Variants in SLC6A15 observed in about 807,000 individuals in gnomAD.
The protein encoded by SLC6A15 is solute carrier family 6 member 15.
A neutral mutation model predicts 68.5 loss-of-function variants in SLC6A15; 33 were observed. The ratio of observed to expected loss-of-function variants is 0.48; its 90% confidence interval spans 0.37 to 0.64. The LOEUF (loss-of-function observed/expected upper bound fraction) is 0.64. Ranked by LOEUF, SLC6A15 falls within the 30% of genes least tolerant of loss-of-function variation. SLC6A15 has a pLI of 0.00. For synonymous variants in SLC6A15, 347 were observed against 301.0 expected (o/e 1.15, Z -1.58); for missense variants, 747 against 874.3 (o/e 0.85, Z 1.84).
At chr12:84,882,886 T>C (rs1871887540) in intron 5 of SLC6A15, 1 of 602,376 alleles carries the variant, frequency 1.7e-6, no homozygotes, top group African/African-American at 2.0e-5. Context: ...CTTACCCTAA[T>C]TCTTGTCAGA....
At chr12:84,872,061 C>T (rs945765052) in intron 8 of SLC6A15, among the ~76,000 whole-genome samples, 2 of 151,590 alleles carry the variant, frequency 1.3e-5, no homozygotes, top group Non-Finnish European at 2.9e-5. Flanking sequence ...GGGAGGCTGA[C>T]CAGGAGAATT....
chr12:84,866,932 C>G lies in SLC6A15; in HGVS notation c.1655+102G>C, dbSNP rs918981392. 8 of 1,025,858 alleles carry G rather than the reference C, an allele frequency of 7.8e-6. No individual in the cohort carries two copies. The African/African-American group carries it at 1.2e-4, about 15-fold the overall frequency. The allele number at this position is 1,025,858 out of a possible 1,614,324, so 63.5% of individuals were successfully genotyped here. A position where few individuals can be genotyped will look rare whatever the true frequency, so the allele number is the denominator to read the frequency against. On this transcript the variant is annotated intron_variant, in intron 10 of 11. Transcript: ENST00000266682. ...AGGTTTGATTTTTTAAAGAATTGTT[C>G]CCTCTATTCATTTATTTCCTCTTCT...
At chr12:84,901,061 C>T (rs564197334) in intron 1 of SLC6A15, among the ~76,000 whole-genome samples, 8 of 146,142 alleles carry the variant, frequency 5.5e-5, no homozygotes, top group Non-Finnish European at 7.6e-5. Context: ...TATATGTATA[C>T]GTATATGTGT....
intron 8 of SLC6A15, 96 bp from the exon 9 acceptor site, chr12:84,870,766 A>G (rs981344046): frequency 4.3e-6 from 3 of 701,964 alleles, no homozygotes; most frequent in Non-Finnish European, 6.8e-6. Context: ...TCTCTGAATA[A>G]TGGCCAGGAC....
At chr12:84,876,248 G>T (rs1871534548) in intron 6 of SLC6A15, among the ~76,000 whole-genome samples, 1 of 151,946 alleles carries the variant, frequency 6.6e-6, no homozygotes, top group African/African-American at 2.4e-5. Flanking sequence ...TATTATAAAA[G>T]AGAGATTTTT....
chr12:84,870,732 G>A (rs1871252365), intron 8 of SLC6A15, 62 bp from the exon 9 acceptor site: 5 of 1,027,330 alleles, frequency 4.9e-6, no homozygotes, highest in Admixed American at 4.8e-5. Context: ...GGCTCTATAT[G>A]TCAGTTACAA....
At chr12:84,890,685 T>C (rs1228483262) in intron 2 of SLC6A15, among the ~76,000 whole-genome samples, 1 of 152,188 alleles carries the variant, frequency 6.6e-6, no homozygotes, top group Non-Finnish European at 1.5e-5. Context: ...ATCTTAAACA[T>C]ATTTTGTCAC....
chr12:84,910,927 C>CTCTCTCTCTCTCTCTCTCT (rs1565736492), intron 1 of SLC6A15, among the ~76,000 whole-genome samples: 12 of 128,990 alleles, frequency 9.3e-5, no homozygotes, highest in African/African-American at 3.9e-4. Context: ...CGCCCTCTTT[C>CTCTCTCTCTCTCTCTCTCT]CGTGTGTGTG....
At chr12:84,893,095 T>C (rs191048023) in intron 1 of SLC6A15, among the ~76,000 whole-genome samples, 110 of 152,282 alleles carry the variant, frequency 7.2e-4, no homozygotes, top group African/African-American at 2.6e-3. Flanking sequence ...ACCCAACCCA[T>C]TTGATATTTA....
At chr12:84,911,147 C>T (rs111735423) in intron 1 of SLC6A15, among the ~76,000 whole-genome samples, 1 of 152,060 alleles carries the variant, frequency 6.6e-6, no homozygotes, top group Non-Finnish European at 1.5e-5. Context: ...TGTGTCTGCA[C>T]ATAATAATTC....
At chr12:84,878,681 A>C (rs1206884750) in intron 5 of SLC6A15, among the ~76,000 whole-genome samples, 3 of 152,038 alleles carry the variant, frequency 2.0e-5, no homozygotes, top group Non-Finnish European at 2.9e-5. Context: ...TTTTTAATAT[A>C]ATTTCTAATT....
chr12:84,896,279 A>T (rs1264496630), intron 1 of SLC6A15, among the ~76,000 whole-genome samples: 2 of 152,018 alleles, frequency 1.3e-5, no homozygotes, highest in African/African-American at 4.8e-5. Context: ...ACAACCCACC[A>T]TCTGTATTTT....
At chr12:84,901,593 T>C (rs540019518) in intron 1 of SLC6A15, among the ~76,000 whole-genome samples, 9 of 151,998 alleles carry the variant, frequency 5.9e-5, no homozygotes, top group Admixed American at 3.3e-4. Flanking sequence ...TTCCAAGCCA[T>C]TGTTACAATC....
rs1870791625 is a variant in SLC6A15, at chr12:84,860,296, TC to T, written c.*1335del. The T allele has an allele frequency of 6.6e-6, 1 of 152,096 alleles. No individual in the cohort carries two copies. The allele number at this position is 152,096 out of a possible 1,614,324, so 9.4% of individuals were successfully genotyped here. ...TGAAAGATTTTTAACTAGAGGACAC[TC>T]AGTGAGGTTCCTCTGCTCTATCCAA... On this transcript the variant is annotated 3_prime_UTR_variant, in exon 12 of 12. Coordinates refer to ENST00000266682, the MANE Select transcript of SLC6A15 (RefSeq NM_182767.6).
intron 1 of SLC6A15, among the ~76,000 whole-genome samples, chr12:84,906,659 A>T (rs1873171267): frequency 6.6e-6 from 1 of 152,198 alleles, no homozygotes; most frequent in Admixed American, 6.5e-5. Context: ...TGATAAAAGT[A>T]CCAAAGCAAT....
At chr12:84,864,462 G>A (rs1451191431) in intron 10 of SLC6A15, among the ~76,000 whole-genome samples, 1 of 151,668 alleles carries the variant, frequency 6.6e-6, no homozygotes, top group Non-Finnish European at 1.5e-5. Flanking sequence ...TGGGATTACA[G>A]GCGACCACCA....
Position 84,873,287 on chromosome 12 carries a change from A to T in SLC6A15, c.909T>A (p.Ala303=). ...MLEPKVWREA[A]TQVFFALGLG... ...GACCTAAGGCAAAGAACACTTGAGT[A>T]GCAGCTTCTCTCCAGACCTTGGGCT... The change falls in exon 7 of 12, where the codon GCT becomes GCA. Residue 303 remains alanine, a synonymous_variant. Coordinates refer to ENST00000266682, the MANE Select transcript of SLC6A15 (RefSeq NM_182767.6). 1.9e-6 allele frequency: 3 copies of T among 1,614,152 alleles called. No homozygotes were observed. The highest frequency in any genetic ancestry group is 2.2e-5 in the South Asian group (2 of 91,088).
chr12:84,885,137 G>A (rs1872029458), intron 4 of SLC6A15, among the ~76,000 whole-genome samples: 1 of 151,826 alleles, frequency 6.6e-6, no homozygotes, highest in African/African-American at 2.4e-5. Flanking sequence ...AAAATGTAAG[G>A]CATCAATCAG....
intron 5 of SLC6A15, among the ~76,000 whole-genome samples, chr12:84,879,418 C>T (rs1434545958): frequency 3.3e-5 from 5 of 151,726 alleles, no homozygotes; most frequent in African/African-American, 4.8e-5. Context: ...CACTGCTTCC[C>T]GGGTTCAAGT....
Sources: allele counts gnomAD v4.1 joint callset (sites outside exome capture counted in the v4.1 genomes callset), GRCh38; gene constraint gnomAD v4.1.1; transcripts MANE v1.5; gene names NCBI Gene and HGNC (gene_info 2026-07-23, HGNC 2026-07-21).